Variants in PLXNA2 observed in about 807,000 individuals in gnomAD.
PLXNA2 encodes plexin A2.
Under a neutral mutation model 193.5 loss-of-function variants are expected in PLXNA2, and 91 were observed. The ratio of observed to expected loss-of-function variants is 0.47; its 90% confidence interval spans 0.40 to 0.56. The LOEUF is 0.56. Among genes scored for constraint, PLXNA2 ranks in the 20% least tolerant of loss-of-function variants. PLXNA2 has a pLI of 0.00. For synonymous variants in PLXNA2, 997 were observed against 1,027.3 expected (o/e 0.97, Z 0.56); for missense variants, 1,995 against 2,503.2 (o/e 0.80, Z 4.33).
chr1:208,098,735 G>T, intron 6 of PLXNA2, 111 bp downstream of exon 6: 1 of 1,273,042 alleles, frequency 7.9e-7, no homozygotes, highest in Non-Finnish European at 1.1e-6. Flanking sequence ...CTCCTTACTG[G>T]ATTTAAAGTC....
intron 4 of PLXNA2, among the ~76,000 whole-genome samples, chr1:208,124,299 C>T (rs1169616822): frequency 6.6e-6 from 1 of 152,118 alleles, no homozygotes; most frequent in Non-Finnish European, 1.5e-5. Flanking sequence ...ATGAAATAAT[C>T]TGTACAACAA....
Position 208,220,580 on chromosome 1 carries a change from G to A in PLXNA2, c.-80-2578C>T, listed in dbSNP as rs1671296260. Among the ~76,000 whole-genome samples the A allele has an allele frequency of 2.0e-5, 3 of 151,328 alleles. No homozygotes were observed. In the South Asian group the frequency reaches 6.3e-4, roughly 32 times the overall value. The stretch of plus-strand genomic sequence containing the variant: ...CCACAGTAGATGGGACTACAGGCAC[G>A]TGCCACCACACCCGCCTAATTTTTT... On this transcript the variant is annotated intron_variant, in intron 1 of 31. Transcript: ENST00000367033.
chr1:208,242,781 G>A (rs79406523), intron 1 of PLXNA2, among the ~76,000 whole-genome samples: 1,972 of 152,240 alleles, frequency 0.013, 35 homozygotes, highest in African/African-American at 0.043. Context: ...GTAGTTTCTG[G>A]TGACTCTCTG....
intron 3 of PLXNA2, among the ~76,000 whole-genome samples, chr1:208,163,031 T>C (rs903964578): frequency 2.6e-5 from 4 of 152,130 alleles, no homozygotes; most frequent in Admixed American, 2.6e-4. Flanking sequence ...ACAGGGCACT[T>C]CATCAGGCAG....
At chr1:208,137,898 T>C (rs2102477282) in intron 4 of PLXNA2, among the ~76,000 whole-genome samples, 1 of 152,312 alleles carries the variant, frequency 6.6e-6, no homozygotes, top group African/African-American at 2.4e-5. Context: ...TTACTCTCAC[T>C]ATGTGTTCCA....
chr1:208,063,878 T>C (rs1007209288), intron 12 of PLXNA2, among the ~76,000 whole-genome samples: 2 of 152,190 alleles, frequency 1.3e-5, no homozygotes, highest in African/African-American at 4.8e-5. Flanking sequence ...TCCATAAGGT[T>C]GGCGCAGGCC....
At position 208,216,912 on chromosome 1, in the gene PLXNA2, G is replaced by A; in HGVS notation, c.1011C>T (p.Ala337=). Residue 337 remains alanine, a synonymous_variant, in exon 2 of 32, where the codon GCC becomes GCT. Transcript: ENST00000367033. ...NITSQDDVLF[A]IFSKGQKQYH... ...ACTGCTTCTGCCCTTTGGAGAAGAT[G>A]GCAAAGAGTACATCGTCCTGGCTGG... 6.2e-7 allele frequency: 1 copy of A among 1,614,214 alleles called. No individual in the cohort carries two copies.
intron 24 of PLXNA2, 119 bp from the exon 25 acceptor site, chr1:208,039,103 G>T (rs1388320825): frequency 1.3e-5 from 11 of 867,712 alleles, no homozygotes; most frequent in Non-Finnish European, 1.6e-5. Context: ...GGGAAATAAG[G>T]GTACTTTTCT....
intron 4 of PLXNA2, among the ~76,000 whole-genome samples, chr1:208,125,243 G>A (rs970279974): frequency 1.3e-5 from 2 of 152,178 alleles, no homozygotes; most frequent in African/African-American, 2.4e-5. Context: ...AACACAATGC[G>A]TTTGAAGTGA....
chr1:208,235,406 C>T (rs1671820636), intron 1 of PLXNA2, among the ~76,000 whole-genome samples: 1 of 152,182 alleles, frequency 6.6e-6, no homozygotes, highest in Admixed American at 6.5e-5. Context: ...TCCTTGTTTC[C>T]AGCACTTGTC....
intron 12 of PLXNA2, among the ~76,000 whole-genome samples, chr1:208,076,630 A>G (rs1387244888): frequency 6.6e-6 from 1 of 152,208 alleles, no homozygotes; most frequent in Non-Finnish European, 1.5e-5. Context: ...ATCCAAATTG[A>G]GGGACATTCT....
At chr1:208,065,686 G>A (rs1346857954) in intron 12 of PLXNA2, among the ~76,000 whole-genome samples, 1 of 152,222 alleles carries the variant, frequency 6.6e-6, no homozygotes, top group Non-Finnish European at 1.5e-5. Flanking sequence ...GGGGTACAAA[G>A]AGCTGCTCAT....
intron 12 of PLXNA2, among the ~76,000 whole-genome samples, chr1:208,068,668 G>A (rs1205724228): frequency 6.6e-6 from 1 of 152,240 alleles, no homozygotes; most frequent in Non-Finnish European, 1.5e-5. Flanking sequence ...GGCCTGCGAA[G>A]ATGACTTCCT....
At chr1:208,051,234 T>C in intron 16 of PLXNA2, 22 bp downstream of exon 16, 1 of 1,598,518 alleles carries the variant, frequency 6.3e-7, no homozygotes, top group Non-Finnish European at 8.5e-7. Flanking sequence ...TCCAGGTGCA[T>C]CCCTCCCACC....
Position 208,238,740 on chromosome 1 carries a change from A to AT in PLXNA2, c.-81+4902_-81+4903insA, listed in dbSNP as rs1342345881. On this transcript the variant is annotated intron_variant, in intron 1 of 31. Coordinates refer to ENST00000367033, the MANE Select transcript of PLXNA2 (RefSeq NM_025179.4). ...GTTCCTGAAAGCTCTTTTAAAAAAA[A>AT]GTCTCCTCAGGAGCAGTTTTGCTAC... Among the ~76,000 whole-genome samples the AT allele has an allele frequency of 5.9e-5, 9 of 152,346 alleles. No individual in the cohort carries two copies. The East Asian group carries it at 1.7e-3, about 29-fold the overall frequency.
At chr1:208,140,201 A>G (rs1419827531) in intron 4 of PLXNA2, among the ~76,000 whole-genome samples, 2 of 152,144 alleles carry the variant, frequency 1.3e-5, no homozygotes, top group East Asian at 3.8e-4. Flanking sequence ...GGCCAGGCTG[A>G]TGGTCTCAGA....
At chr1:208,232,830 C>A (rs1377962660) in intron 1 of PLXNA2, among the ~76,000 whole-genome samples, 1 of 152,200 alleles carries the variant, frequency 6.6e-6, no homozygotes. Flanking sequence ...TGAGAACCAA[C>A]TTTACTTACT....
chr1:208,169,764 C>A (rs1669432085), intron 3 of PLXNA2, among the ~76,000 whole-genome samples: 1 of 152,110 alleles, frequency 6.6e-6, no homozygotes, highest in African/African-American at 2.4e-5. Flanking sequence ...GGATTCTAGC[C>A]CCGATTATGG....
chr1:208,156,423 T>C (rs1604364), intron 3 of PLXNA2, among the ~76,000 whole-genome samples: 62,946 of 151,656 alleles, frequency 0.42, 13,301 homozygotes, highest in Non-Finnish European at 0.45. Flanking sequence ...AGGCATCTTA[T>C]GTAAATGATT....
Sources: allele counts gnomAD v4.1 joint callset (sites outside exome capture counted in the v4.1 genomes callset), GRCh38; gene constraint gnomAD v4.1.1; transcripts MANE v1.5; gene names NCBI Gene and HGNC (gene_info 2026-07-23, HGNC 2026-07-21).